Variants in DIS3L2 observed in about 807,000 individuals in gnomAD.
DIS3L2 encodes the protein DIS3 like 3'-5' exoribonuclease 2, also known as DIS3-like exonuclease 2.
In DIS3L2, 34 loss-of-function variants were observed where a neutral mutation model predicts 97.5. That is an observed-to-expected ratio of 0.35 (90% CI 0.27 to 0.46). The LOEUF (loss-of-function observed/expected upper bound fraction) is 0.46. DIS3L2 is among the 20% of genes least tolerant of loss of function. The pLI is 1.00. For missense variants in DIS3L2, 1,038 were observed against 1,146.0 expected (o/e 0.91, Z 1.36); for synonymous variants, 435 against 445.2 (o/e 0.98, Z 0.29).
chr2:232,264,581 T>C (rs1338825638), intron 13 of DIS3L2, among the ~76,000 whole-genome samples: 4 of 152,222 alleles, frequency 2.6e-5, no homozygotes, highest in Non-Finnish European at 5.9e-5. Flanking sequence ...CCTTGCTTGT[T>C]GTGTGCTCTG....
intron 13 of DIS3L2, among the ~76,000 whole-genome samples, chr2:232,342,258 C>CAT (rs1199307752): frequency 1.4e-5 from 2 of 145,658 alleles, no homozygotes; most frequent in Non-Finnish European, 3.0e-5. Context: ...TACACATACA[C>CAT]ACATACACAT....
At chr2:232,304,487 G>T (rs1694938585) in intron 14 of DIS3L2, among the ~76,000 whole-genome samples, 1 of 152,198 alleles carries the variant, frequency 6.6e-6, no homozygotes, top group Non-Finnish European at 1.5e-5. Flanking sequence ...TAGGAATCGA[G>T]TGCTATGGCA....
At chr2:232,342,784 G>A (rs992616733) in intron 13 of DIS3L2, among the ~76,000 whole-genome samples, 22 of 152,248 alleles carry the variant, frequency 1.4e-4, no homozygotes, top group African/African-American at 2.4e-5. Context: ...TGTGAGCCCA[G>A]GCTGGGCTGG....
At position 232,327,992 on chromosome 2, in the gene DIS3L2, G is replaced by A. The variant is rs540205442; in HGVS notation, c.1740-1821G>A. Reference sequence around the variant, plus strand: ...TTCAGAATCCCACGGCAAGAAAGTTGTGGAGCTGAGAGTCAAACCTGGGCT... The same window carrying A: ...TTCAGAATCCCACGGCAAGAAAGTTATGGAGCTGAGAGTCAAACCTGGGCT... On this transcript the variant is annotated intron_variant, in intron 14 of 20. Coordinates refer to ENST00000325385, the MANE Select transcript of DIS3L2 (RefSeq NM_152383.5). Among the ~76,000 whole-genome samples, 53 of 152,378 alleles carry A rather than the reference G, an allele frequency of 3.5e-4. 1 individual carries two copies. The highest frequency in any genetic ancestry group is 8.3e-4 in the South Asian group (4 of 4,832).
chr2:231,967,039 A>G (rs1692742552), intron 1 of DIS3L2, among the ~76,000 whole-genome samples: 1 of 152,146 alleles, frequency 6.6e-6, no homozygotes, highest in African/African-American at 2.4e-5. Context: ...TCTTGCCCTA[A>G]TAACAGGCTG....
At chr2:232,202,985 AT>A (rs1351261906) in intron 9 of DIS3L2, among the ~76,000 whole-genome samples, 2 of 152,302 alleles carry the variant, frequency 1.3e-5, no homozygotes, top group East Asian at 3.9e-4. Flanking sequence ...TCAGCATCTG[AT>A]TGTACTGGAA....
chr2:232,211,047 T>C (rs1168489773), intron 10 of DIS3L2, among the ~76,000 whole-genome samples: 3 of 152,032 alleles, frequency 2.0e-5, no homozygotes, highest in Non-Finnish European at 4.4e-5. Flanking sequence ...AGGAAGGGAA[T>C]GCAGCAATTG....
chr2:232,261,706 A>G lies in DIS3L2; in HGVS notation c.1426-1501A>G, dbSNP rs185589649. 1.7e-3 allele frequency among the ~76,000 whole-genome samples: 263 copies of G among 152,244 alleles called. 2 individuals are homozygous for G. The highest frequency in any genetic ancestry group is 6.2e-3 in the African/African-American group (256 of 41,530). ...TAAAATAGCCTTCATAAACACCACC[A>G]GCCAGCAAATGCTCAATGCCAGGAG... On this transcript the variant is annotated intron_variant, in intron 12 of 20. Coordinates refer to ENST00000325385, the MANE Select transcript of DIS3L2 (RefSeq NM_152383.5).
At chr2:232,330,834 T>A in intron 16 of DIS3L2, 58 bp downstream of exon 16, 1 of 1,533,214 alleles carries the variant, frequency 6.5e-7, no homozygotes, top group Middle Eastern at 1.7e-4. Flanking sequence ...GCCCCAGACC[T>A]GTGACCTCCA....
At chr2:232,305,552 T>C (rs1694965708) in intron 14 of DIS3L2, among the ~76,000 whole-genome samples, 1 of 152,220 alleles carries the variant, frequency 6.6e-6, no homozygotes, top group African/African-American at 2.4e-5. Flanking sequence ...TTTCCAGTTA[T>C]TTGAAGAGTT....
intron 5 of DIS3L2, among the ~76,000 whole-genome samples, chr2:232,046,157 C>T (rs1695236530): frequency 6.6e-6 from 1 of 152,142 alleles, no homozygotes; most frequent in African/African-American, 2.4e-5. Context: ...TCTGTAAGCA[C>T]CATAGTCTCA....
intron 11 of DIS3L2, among the ~76,000 whole-genome samples, chr2:232,247,615 GC>G (rs1574970272): frequency 1.7e-4 from 6 of 36,178 alleles, no homozygotes; most frequent in South Asian, 2.9e-3. Context: ...TATAACTGCC[GC>G]GGGGGGGGGG....
intron 12 of DIS3L2, chr2:232,260,662 T>C (rs1262081288): frequency 6.6e-6 from 1 of 152,262 alleles, no homozygotes; most frequent in Non-Finnish European, 1.5e-5. Context: ...AAGATTCTTA[T>C]AAGACTTTGC....
At chr2:232,282,837 A>T (rs1468188838) in intron 13 of DIS3L2, among the ~76,000 whole-genome samples, 1 of 152,108 alleles carries the variant, frequency 6.6e-6, no homozygotes, top group Admixed American at 6.5e-5. Flanking sequence ...CACTTTCTGA[A>T]TTCAGGGCCC....
At chr2:231,968,098 T>TA (rs1462196667) in intron 1 of DIS3L2, among the ~76,000 whole-genome samples, 2 of 115,022 alleles carry the variant, frequency 1.7e-5, no homozygotes, top group Admixed American at 1.7e-4. Context: ...AGATAACTGA[T>TA]TTTTTTTTTT....
chr2:232,320,211 G>A (rs935298241), intron 14 of DIS3L2, among the ~76,000 whole-genome samples: 10 of 152,102 alleles, frequency 6.6e-5, no homozygotes, highest in South Asian at 2.1e-4. Flanking sequence ...CATTGAAACC[G>A]CTCTGAACCT....
Position 232,342,212 on chromosome 2 carries a change from CAT to C in DIS3L2, c.1582-1127_1582-1126del, listed in dbSNP as rs775679118. Among the ~76,000 whole-genome samples, 94 of 150,962 alleles carry C rather than the reference CAT, an allele frequency of 6.2e-4. 1 individual carries two copies. Among genetic ancestry groups the C allele is most frequent in the Admixed American group, 1.1e-3 (17 of 15,130 alleles). Reference sequence around the variant, plus strand: ...ACATATATACACATACATATATACACATATATACACATACATATATACACATA... The same window carrying C: ...ACATATATACACATACATATATACACATATACACATACATATATACACATA... On this transcript the variant is annotated intron_variant, in intron 13 of 13. Coordinates refer to the DIS3L2 transcript ENST00000273009.
At chr2:232,132,637 A>G (rs185571615) in intron 7 of DIS3L2, among the ~76,000 whole-genome samples, 3 of 152,304 alleles carry the variant, frequency 2.0e-5, no homozygotes, top group Non-Finnish European at 2.9e-5. Context: ...CAGCTAGACT[A>G]ATTCTCACCC....
At position 232,263,288 on chromosome 2, in the gene DIS3L2, A is replaced by T. The variant is rs1388343144; in HGVS notation, c.1507A>T (p.Ser503Cys). Residue 503 changes from serine to cysteine, a missense_variant, in exon 13 of 21, where the codon AGC (serine) becomes TGC (cysteine). Transcript: ENST00000325385. Reference sequence around the variant, plus strand: ...CGAGCATGCACAGAGCATGATTGAAAGCCCAACTGAGAAAATCCCTGCGAA... The same window carrying T: ...CGAGCATGCACAGAGCATGATTGAATGCCCAACTGAGAAAATCCCTGCGAA... Reference protein sequence around the residue: ...SYEHAQSMIESPTEKIPAKEL... With the variant: ...SYEHAQSMIECPTEKIPAKEL... 3 of 1,614,112 alleles carry T rather than the reference A, an allele frequency of 1.9e-6. No homozygotes were observed. The highest frequency in any genetic ancestry group is 2.5e-6 in the Non-Finnish European group (3 of 1,180,046).
Sources: allele counts gnomAD v4.1 joint callset (sites outside exome capture counted in the v4.1 genomes callset), GRCh38; gene constraint gnomAD v4.1.1; transcripts MANE v1.5; gene names NCBI Gene and HGNC (gene_info 2026-07-23, HGNC 2026-07-21).